The following PYGL variants were observed in gnomAD, a reference collection of about 807,000 sequenced individuals.
The protein encoded by PYGL is glycogen phosphorylase L, also known as glycogen phosphorylase, liver form.
Under a neutral mutation model 100.1 loss-of-function variants are expected in PYGL, and 90 were observed. That is an observed-to-expected ratio of 0.90 (90% CI 0.76 to 1.07). PYGL has a LOEUF of 1.07. Ranked by LOEUF, PYGL falls within the 50% of genes least tolerant of loss-of-function variation. The pLI, the probability that PYGL is intolerant of heterozygous loss-of-function variation, is 0.00. For synonymous variants in PYGL, 373 were observed against 393.0 expected (o/e 0.95, Z 0.60); for missense variants, 1,016 against 1,057.6 (o/e 0.96, Z 0.55).
At chr14:50,934,972 A>C in intron 3 of PYGL, 135 bp downstream of exon 3, 1 of 804,822 alleles carries the variant, frequency 1.2e-6, no homozygotes, top group East Asian at 2.6e-5. Context: ...ACTCAAGAAC[A>C]AATACATCTA....
chr14:50,909,867 G>A (rs377095510), intron 17 of PYGL, 28 bp downstream of exon 17: 2 of 1,612,432 alleles, frequency 1.2e-6, no homozygotes, highest in African/African-American at 1.3e-5. Flanking sequence ...GGGCAGTCCT[G>A]CCTAGCAAAG....
intron 1 of PYGL, among the ~76,000 whole-genome samples, chr14:50,942,188 G>C (rs1203624502): frequency 1.1e-5 from 1 of 94,376 alleles, no homozygotes; most frequent in Non-Finnish European, 2.5e-5. Flanking sequence ...GAACACGTGT[G>C]GAATGAAACA....
At chr14:50,931,549 T>C in intron 4 of PYGL, 124 bp downstream of exon 4, 3 of 894,390 alleles carry the variant, frequency 3.4e-6, no homozygotes, top group South Asian at 1.4e-5. Context: ...AACTCACTGA[T>C]ACCAACCAAA....
intron 6 of PYGL, 63 bp downstream of exon 6, chr14:50,920,893 C>T: frequency 6.7e-7 from 1 of 1,485,102 alleles, no homozygotes; most frequent in Non-Finnish European, 9.4e-7. Flanking sequence ...CAATTTGGTT[C>T]TAACTACCAA....
chr14:50,907,536 G>A (rs1389878503), intron 19 of PYGL, among the ~76,000 whole-genome samples: 2 of 152,010 alleles, frequency 1.3e-5, no homozygotes, highest in Non-Finnish European at 2.9e-5. Context: ...TAAGAATCTC[G>A]ATGTTCAAAC....
intron 3 of PYGL, among the ~76,000 whole-genome samples, chr14:50,933,773 C>A (rs74936989): frequency 0.015 from 2,320 of 152,104 alleles, 62 homozygotes; most frequent in African/African-American, 0.053. Context: ...TATACACACA[C>A]ACACACATAT....
intron 1 of PYGL, among the ~76,000 whole-genome samples, chr14:50,938,065 G>A (rs1018612132): frequency 3.3e-5 from 5 of 152,158 alleles, no homozygotes; most frequent in African/African-American, 7.2e-5. Context: ...TTCTCAGAAC[G>A]TTTGGCATTC....
intron 7 of PYGL, among the ~76,000 whole-genome samples, chr14:50,918,224 A>T (rs2050471293): frequency 6.6e-6 from 1 of 152,190 alleles, no homozygotes; most frequent in Non-Finnish European, 1.5e-5. Context: ...CACTTTTTAC[A>T]CTGCTGGTGG....
chr14:50,928,891 T>C (rs897642219), intron 4 of PYGL, among the ~76,000 whole-genome samples: 3 of 152,214 alleles, frequency 2.0e-5, no homozygotes, highest in African/African-American at 7.2e-5. Flanking sequence ...TATGGTATGA[T>C]ATATTTTATG....
rs753973254 is a variant in PYGL at position 50,916,986 on chromosome 14, A to C, written c.975T>G (p.Thr325=). ...SKFGSTRGAG[T]VFDAFPDQVA... ...CCTGATCCGGGAAGGCATCAAACAC[A>C]GTTCCTGCACCACGGGTGGAGCCAA... Residue 325 remains threonine (T), a synonymous_variant, in exon 8 of 20, where the codon ACT becomes ACG. Coordinates refer to ENST00000216392, the MANE Select transcript of PYGL (RefSeq NM_002863.5). 1 of 1,614,246 alleles carries C rather than the reference A, an allele frequency of 6.2e-7. No homozygotes were observed. Among genetic ancestry groups the C allele is most frequent in the Non-Finnish European group, 8.5e-7 (1 of 1,180,036 alleles).
rs1240504361 is a variant in PYGL, at chr14:50,937,724, G to C, written c.345+12C>G. 1 of 1,601,754 alleles carries C rather than the reference G, an allele frequency of 6.2e-7. No homozygotes were observed. The highest frequency in any genetic ancestry group is 1.7e-5 in the Admixed American group (1 of 60,000). ...AAAGAGACAGGATGAGAGAAATCTA[G>C]GAACAATGTACCTGGTAAATGGCCT... is the stretch of plus-strand genomic sequence containing the variant. On this transcript the variant is annotated intron_variant, in intron 2 of 19. Coordinates refer to ENST00000216392, the MANE Select transcript of PYGL (RefSeq NM_002863.5).
chr14:50,923,933 T>C (rs1353109675), intron 5 of PYGL, 36 bp downstream of exon 5: 3 of 1,595,250 alleles, frequency 1.9e-6, no homozygotes, highest in Middle Eastern at 1.7e-4. Context: ...TACTAAATAC[T>C]ATACAAAACG....
intron 1 of PYGL, 96 bp from the exon 2 acceptor site, chr14:50,937,933 C>T: frequency 9.0e-7 from 1 of 1,109,668 alleles, no homozygotes; most frequent in Non-Finnish European, 1.3e-6. Context: ...CAATAAGAAA[C>T]AAACAGGCAG....
intron 1 of PYGL, 74 bp downstream of exon 1, chr14:50,944,087 C>A: frequency 6.6e-7 from 1 of 1,511,846 alleles, no homozygotes; most frequent in South Asian, 1.2e-5. Flanking sequence ...GGTTCTCCAC[C>A]TCGTCCCGCC....
chr14:50,926,724 T>TTAAAAAA (rs2050550817), intron 4 of PYGL, among the ~76,000 whole-genome samples: 1 of 22,482 alleles, frequency 4.4e-5, no homozygotes, highest in African/African-American at 2.0e-4. Context: ...AGACTCTGTC[T>TTAAAAAA]CAAAAAAAAA....
chr14:50,921,120 A>G, intron 5 of PYGL, 53 bp from the exon 6 acceptor site: 1 of 1,379,496 alleles, frequency 7.2e-7, no homozygotes, highest in Non-Finnish European at 1.0e-6. Flanking sequence ...GTGATGACAT[A>G]GGTTGAACAA....
At chr14:50,935,310 C>G (rs1185668726) in intron 2 of PYGL, 125 bp from the exon 3 acceptor site, 1 of 787,178 alleles carries the variant, frequency 1.3e-6, no homozygotes, top group Non-Finnish European at 2.2e-6. Flanking sequence ...CTAGCGTCAG[C>G]TCCCTTGCAG....
At chr14:50,932,662 A>T (rs890210385) in intron 3 of PYGL, among the ~76,000 whole-genome samples, 4 of 152,200 alleles carry the variant, frequency 2.6e-5, no homozygotes, top group Non-Finnish European at 4.4e-5. Context: ...TTATTTAATG[A>T]CAGGGCATCT....
intron 1 of PYGL, among the ~76,000 whole-genome samples, chr14:50,940,159 C>T (rs1164418273): frequency 1.3e-5 from 2 of 152,138 alleles, no homozygotes; most frequent in East Asian, 1.9e-4. Flanking sequence ...ACGTGATGAC[C>T]GCTGTCACAG....
Sources: allele counts gnomAD v4.1 joint callset (sites outside exome capture counted in the v4.1 genomes callset), GRCh38; gene constraint gnomAD v4.1.1; transcripts MANE v1.5; gene names NCBI Gene and HGNC (gene_info 2026-07-23, HGNC 2026-07-21).